XYLT1: variants seen among roughly 807,000 people sequenced by gnomAD.
XYLT1 encodes the protein xylosyltransferase 1.
A neutral mutation model predicts 91.3 loss-of-function variants in XYLT1; 36 were observed. The ratio of observed to expected loss-of-function variants is 0.39; its 90% CI spans 0.30 to 0.52. XYLT1 has a LOEUF of 0.52. Among genes scored for constraint, XYLT1 ranks in the 20% least tolerant of loss-of-function variants. The pLI is 0.68. For synonymous variants in XYLT1, 588 were observed against 532.0 expected (o/e 1.11, Z -1.45); for missense variants, 1,242 against 1,284.5 (o/e 0.97, Z 0.51).
chr16:17,198,999 C>A (rs1485421097), intron 4 of XYLT1, among the ~76,000 whole-genome samples: 3 of 152,208 alleles, frequency 2.0e-5, no homozygotes, highest in Non-Finnish European at 4.4e-5. Flanking sequence ...CCACCTTGGT[C>A]TCCCAAAGTG....
intron 5 of XYLT1, among the ~76,000 whole-genome samples, chr16:17,191,942 T>G (rs1395055436): frequency 2.0e-5 from 3 of 152,140 alleles, no homozygotes; most frequent in African/African-American, 4.8e-5. Flanking sequence ...CTGCCCCACA[T>G]GTGCAAACGT....
At position 17,188,994 on chromosome 16, in the gene XYLT1, G is replaced by T. The variant is rs2032250783; in HGVS notation, c.1289+9218C>A. 2.2e-5 allele frequency among the ~76,000 whole-genome samples: 3 copies of T among 137,254 alleles called. No homozygotes were observed. In the South Asian group the frequency reaches 7.2e-4, roughly 33 times the overall value. 90.0% of individuals were successfully genotyped at this position (137,254 alleles called of 152,430 possible). On this transcript the variant is annotated intron_variant, in intron 5 of 11. Transcript: ENST00000261381. Reference sequence around the variant, plus strand: ...ATATGTTTTTCCTCACCTTTGAGTTGCTGCTTAGCACAGTGTCCAACACAT... The same window carrying T: ...ATATGTTTTTCCTCACCTTTGAGTTTCTGCTTAGCACAGTGTCCAACACAT...
chr16:17,338,636 T>A, intron 2 of XYLT1: 1 of 383,338 alleles, frequency 2.6e-6, no homozygotes. Flanking sequence ...ACCCTTTTTT[T>A]TGGGACGGAG....
intron 10 of XYLT1, among the ~76,000 whole-genome samples, chr16:17,123,489 T>A (rs551906038): frequency 2.6e-5 from 4 of 152,310 alleles, no homozygotes; most frequent in Admixed American, 2.0e-4. Flanking sequence ...ATTTGGGGGT[T>A]CCTTTTGGAG....
intron 5 of XYLT1, among the ~76,000 whole-genome samples, chr16:17,179,136 G>A (rs1030961601): frequency 1.3e-5 from 2 of 152,072 alleles, no homozygotes; most frequent in African/African-American, 4.8e-5. Flanking sequence ...ACTAACAAAG[G>A]AAGAGAAAAC....
chr16:17,313,595 T>C (rs1346576093), intron 2 of XYLT1, among the ~76,000 whole-genome samples: 1 of 152,136 alleles, frequency 6.6e-6, no homozygotes, highest in Non-Finnish European at 1.5e-5. Context: ...GTGAATTCTT[T>C]CCTTCAACAG....
intron 3 of XYLT1, among the ~76,000 whole-genome samples, chr16:17,239,250 C>T (rs529894252): frequency 6.6e-6 from 1 of 151,810 alleles, no homozygotes; most frequent in East Asian, 1.9e-4. Flanking sequence ...CTCATTCATC[C>T]ATCCACTCAC....
At position 17,389,056 on chromosome 16, in the gene XYLT1, G is replaced by A. The variant is rs79726378; in HGVS notation, c.364-31006C>T. Among the ~76,000 whole-genome samples the A allele has an allele frequency of 3.3e-5, 5 of 152,318 alleles. No individual in the cohort carries two copies. In the East Asian group the frequency reaches 9.7e-4, roughly 29 times the overall value. ...TATCCACGAGTTGTAGCTAAGTCAC[G>A]TGGGCAACACTGGTTCTTTGCAGCG... On this transcript the variant is annotated intron_variant, in intron 1 of 11. Transcript: ENST00000261381.
rs1262510212 is a variant in XYLT1, at chr16:17,158,845, C to A, written c.1354G>T (p.Gly452Cys). The A allele has an allele frequency of 6.2e-7, 1 of 1,613,848 alleles. No homozygotes were observed. The highest frequency in any genetic ancestry group is 8.5e-7 in the Non-Finnish European group (1 of 1,179,992). The change falls in exon 6 of 12, where the codon GGC becomes TGC. Residue 452 changes from glycine (G) to cysteine (C), a missense_variant. Gly to Cys is a radical substitution (Grantham distance 159, BLOSUM62 -3). This residue lies in a region of XYLT1 where 294 missense variants were observed against 376.0 expected (regional missense o/e 0.78). Coordinates refer to ENST00000261381, the MANE Select transcript of XYLT1 (RefSeq NM_022166.4). ...YRDMNFLKSH[G>C]RDNARFIRKQ... ...AGGTGCTACCTTGCATTGTCCCGGC[C>A]GTGTGACTTCAAGAAATTCATATCT...
At chr16:17,232,669 G>C (rs1254668126) in intron 3 of XYLT1, among the ~76,000 whole-genome samples, 2 of 151,592 alleles carry the variant, frequency 1.3e-5, no homozygotes, top group African/African-American at 4.9e-5. Flanking sequence ...ATAACAGGAT[G>C]GTGGTGAAAG....
intron 1 of XYLT1, among the ~76,000 whole-genome samples, chr16:17,396,079 C>A (rs112369942): frequency 6.6e-6 from 1 of 152,196 alleles, no homozygotes; most frequent in African/African-American, 2.4e-5. Flanking sequence ...AAAACAAAGG[C>A]GTCTGGCTTG....
chr16:17,193,405 G>C (rs1450738157), intron 5 of XYLT1: 1 of 150,162 alleles, frequency 6.7e-6, no homozygotes, highest in African/African-American at 2.4e-5. Context: ...AGTTGGTGGT[G>C]GGGCAGAATC....
At chr16:17,148,211 TG>T (rs1436326485) in intron 6 of XYLT1, among the ~76,000 whole-genome samples, 6 of 152,164 alleles carry the variant, frequency 3.9e-5, no homozygotes, top group Admixed American at 1.3e-4. Flanking sequence ...CCTTGCAAAG[TG>T]TTTAGTAAGC....
chr16:17,315,003 G>C (rs2034605853), intron 2 of XYLT1, among the ~76,000 whole-genome samples: 1 of 152,194 alleles, frequency 6.6e-6, no homozygotes, highest in Non-Finnish European at 1.5e-5. Flanking sequence ...AGAGGCATGA[G>C]GAGCCACGTG....
intron 1 of XYLT1, among the ~76,000 whole-genome samples, chr16:17,404,652 T>G (rs1032384425): frequency 6.6e-6 from 1 of 152,058 alleles, no homozygotes; most frequent in Non-Finnish European, 1.5e-5. Context: ...ACAGTCAGAG[T>G]TGGCCAGGCA....
At chr16:17,437,709 A>G (rs1199858545) in intron 1 of XYLT1, among the ~76,000 whole-genome samples, 2 of 152,116 alleles carry the variant, frequency 1.3e-5, no homozygotes, top group African/African-American at 4.8e-5. Context: ...ACCTCTCCCC[A>G]TGCACCAATT....
chr16:17,379,178 G>C (rs1017555488), intron 1 of XYLT1, among the ~76,000 whole-genome samples: 1 of 152,070 alleles, frequency 6.6e-6, no homozygotes. Context: ...AATGCTCCCC[G>C]GGCAGGCAGC....
chr16:17,462,152 T>C (rs895776354), intron 1 of XYLT1, among the ~76,000 whole-genome samples: 27 of 152,150 alleles, frequency 1.8e-4, no homozygotes, highest in African/African-American at 6.5e-4. Flanking sequence ...ATTACCTCAT[T>C]AGCATCCACT....
At chr16:17,257,798 C>T (rs1294169249) in intron 3 of XYLT1, among the ~76,000 whole-genome samples, 1 of 152,196 alleles carries the variant, frequency 6.6e-6, no homozygotes, top group East Asian at 1.9e-4. Context: ...GCATCAGCCT[C>T]AGAGAGTGTT....
Sources: gnomAD v4.1 joint callset for allele counts (sites outside exome capture counted in the v4.1 genomes callset) on GRCh38, gnomAD v4.1.1 for gene constraint, gnomAD v4.1.1 regional missense constraint, MANE v1.5 for transcripts, NCBI Gene and HGNC (gene_info 2026-07-23, HGNC 2026-07-21) for gene names.